MALRD1: variants seen among roughly 807,000 people sequenced by gnomAD.
MALRD1 encodes MAM and LDL-receptor class A domain-containing protein 1.
In MALRD1, 247 loss-of-function variants were observed where a neutral mutation model predicts 242.1. That is an observed-to-expected ratio of 1.02 (90% confidence interval 0.92 to 1.13). The LOEUF (loss-of-function observed/expected upper bound fraction) is 1.13, where lower values mean the gene tolerates loss of function less well. MALRD1 is among the 50% of genes most tolerant of loss of function. MALRD1 has a pLI of 0.00. For synonymous variants in MALRD1, 995 were observed against 866.6 expected (o/e 1.15, Z -2.60); for missense variants, 2,989 against 2,533.1 (o/e 1.18, Z -3.86).
At chr10:19,693,754 G>A (rs1262162185) in intron 38 of MALRD1, among the ~76,000 whole-genome samples, 1 of 152,146 alleles carries the variant, frequency 6.6e-6, no homozygotes, top group African/African-American at 2.4e-5. Context: ...CCAAAAAAGA[G>A]CCCGCATTGC....
chr10:19,577,974 T>G (rs1260261557), intron 33 of MALRD1, among the ~76,000 whole-genome samples: 2 of 152,112 alleles, frequency 1.3e-5, no homozygotes, highest in Non-Finnish European at 2.9e-5. Context: ...TGGCCCTGTT[T>G]TGTTCTCTTG....
intron 29 of MALRD1, among the ~76,000 whole-genome samples, chr10:19,484,629 C>T (rs1837161591): frequency 6.6e-6 from 1 of 152,098 alleles, no homozygotes; most frequent in Admixed American, 6.5e-5. Flanking sequence ...ATATGCTTCC[C>T]ACTCACTGGA....
intron 31 of MALRD1, among the ~76,000 whole-genome samples, chr10:19,502,031 G>A (rs2026466): frequency 0.46 from 60,180 of 131,110 alleles, 14,885 homozygotes; most frequent in Non-Finnish European, 0.53. Context: ...AAAAAGAAAA[G>A]AAAAGAAAAG....
At chr10:19,187,098 T>C (rs1444489473) in intron 14 of MALRD1, among the ~76,000 whole-genome samples, 1 of 152,210 alleles carries the variant, frequency 6.6e-6, no homozygotes, top group Non-Finnish European at 1.5e-5. Context: ...GTATAAATAC[T>C]CACATGCTTA....
chr10:19,639,453 C>T (rs988593049), intron 36 of MALRD1, among the ~76,000 whole-genome samples: 2 of 152,142 alleles, frequency 1.3e-5, no homozygotes, highest in African/African-American at 2.4e-5. Context: ...GGCAACATTT[C>T]CTCAGTTCAC....
intron 36 of MALRD1, among the ~76,000 whole-genome samples, chr10:19,659,438 C>T (rs1841318727): frequency 1.3e-5 from 2 of 152,204 alleles, no homozygotes; most frequent in South Asian, 4.1e-4. Context: ...TCTTAAGTTA[C>T]TCCTCATCAA....
chr10:19,081,390 T>C (rs761404353), intron 2 of MALRD1, among the ~76,000 whole-genome samples: 14 of 152,098 alleles, frequency 9.2e-5, no homozygotes, highest in Non-Finnish European at 1.6e-4. Context: ...ATAGACCGGA[T>C]AAAGCAAATG....
chr10:19,603,621 G>A (rs1838469756), intron 34 of MALRD1, among the ~76,000 whole-genome samples: 1 of 152,164 alleles, frequency 6.6e-6, no homozygotes, highest in Admixed American at 6.5e-5. Context: ...TTGAAGTCAG[G>A]TAGTGTGATG....
chr10:19,720,069 A>G (rs1834672529), intron 38 of MALRD1, among the ~76,000 whole-genome samples: 1 of 152,168 alleles, frequency 6.6e-6, no homozygotes, highest in Non-Finnish European at 1.5e-5. Context: ...GACTTTTATA[A>G]CAGATCTAAT....
chr10:19,338,444 C>A (rs761478645), intron 24 of MALRD1, among the ~76,000 whole-genome samples: 2 of 146,662 alleles, frequency 1.4e-5, no homozygotes, highest in African/African-American at 5.4e-5. Context: ...TTCAAATTTC[C>A]TTTTTTCAAT....
intron 21 of MALRD1, among the ~76,000 whole-genome samples, chr10:19,288,170 A>G (rs578020415): frequency 9.9e-5 from 15 of 152,006 alleles, no homozygotes; most frequent in Non-Finnish European, 1.3e-4. Flanking sequence ...TCTAGTTTTA[A>G]TTTTTGTGGG....
intron 33 of MALRD1, among the ~76,000 whole-genome samples, chr10:19,589,331 C>A (rs1036384942): frequency 6.6e-6 from 1 of 151,982 alleles, no homozygotes; most frequent in Non-Finnish European, 1.5e-5. Context: ...GACTCCACAC[C>A]CTTGTTCCTT....
chr10:19,675,708 A>G (rs1350494776), intron 36 of MALRD1, among the ~76,000 whole-genome samples: 2 of 152,244 alleles, frequency 1.3e-5, no homozygotes, highest in African/African-American at 4.8e-5. Context: ...CCAAATGTTA[A>G]CTACTGTTAC....
Position 19,155,323 on chromosome 10 carries a change from C to T in MALRD1, c.1656+151C>T, listed in dbSNP as rs553816397. On this transcript the variant is annotated intron_variant, in intron 12 of 39. Transcript: ENST00000454679. Reference sequence around the variant, plus strand: ...TGCGCTATTTCAACACAAAATGCTACGTCCTTCTAGAATACCATTTGTAAC... The same window carrying T: ...TGCGCTATTTCAACACAAAATGCTATGTCCTTCTAGAATACCATTTGTAAC... Among the ~76,000 whole-genome samples, 8 of 152,174 alleles carry T rather than the reference C, an allele frequency of 5.3e-5. No individual in the cohort carries two copies. In the South Asian group the frequency reaches 6.2e-4, roughly 12 times the overall value.
intron 14 of MALRD1, among the ~76,000 whole-genome samples, chr10:19,187,410 T>G (rs1212359931): frequency 6.6e-6 from 1 of 151,812 alleles, no homozygotes; most frequent in Non-Finnish European, 1.5e-5. Flanking sequence ...AACAAAGACT[T>G]GAGAAGGTGA....
At chr10:19,201,902 G>A (rs1836555955) in intron 14 of MALRD1, among the ~76,000 whole-genome samples, 2 of 152,016 alleles carry the variant, frequency 1.3e-5, no homozygotes, top group South Asian at 4.2e-4. Flanking sequence ...TGCAACCTCA[G>A]CCTCCCAGAT....
intron 29 of MALRD1, chr10:19,488,995 T>C: frequency 4.4e-6 from 2 of 454,744 alleles, no homozygotes; most frequent in Non-Finnish European, 8.9e-6. Flanking sequence ...CCAATCCGGT[T>C]CTATCCGGTT....
At chr10:19,499,101 G>C (rs537847476) in intron 31 of MALRD1, among the ~76,000 whole-genome samples, 8 of 152,254 alleles carry the variant, frequency 5.3e-5, no homozygotes, top group African/African-American at 1.9e-4. Flanking sequence ...AATGGTAAGT[G>C]GTGATGGAAT....
chr10:19,607,334 G>T (rs138339877), intron 34 of MALRD1, among the ~76,000 whole-genome samples: 1 of 152,242 alleles, frequency 6.6e-6, no homozygotes, highest in Non-Finnish European at 1.5e-5. Flanking sequence ...GGCAGGTTTG[G>T]TGTCTCCTAA....
Sources: gnomAD v4.1 joint callset for allele counts (sites outside exome capture counted in the v4.1 genomes callset) on GRCh38, gnomAD v4.1.1 for gene constraint, MANE v1.5 for transcripts, NCBI Gene and HGNC (gene_info 2026-07-23, HGNC 2026-07-21) for gene names.